The following EXOC4 variants were observed in gnomAD, a reference collection of about 807,000 sequenced individuals.
The protein encoded by EXOC4 is SEC8-like 1.
A neutral mutation model predicts 107.2 loss-of-function variants in EXOC4; 71 were observed. The ratio of observed to expected loss-of-function variants is 0.66; its 90% CI spans 0.55 to 0.81. The LOEUF (loss-of-function observed/expected upper bound fraction) is 0.81, where lower values mean the gene tolerates loss of function less well. Ranked by LOEUF, EXOC4 falls within the 30% of genes least tolerant of loss-of-function variation. The pLI is 0.00. For synonymous variants in EXOC4, 456 were observed against 441.2 expected (o/e 1.03, Z -0.42); for missense variants, 1,108 against 1,189.6 (o/e 0.93, Z 1.01).
the EXOC4 span, among the ~76,000 whole-genome samples, chr7:134,074,859 C>T: frequency 1.3e-5 from 2 of 152,174 alleles, no homozygotes; most frequent in Admixed American, 6.5e-5. Context: ...CTCAGTAAAA[C>T]GAATAATGAT....
rs538010190 is a variant in EXOC4 at position 133,982,891 on chromosome 7, G to T, written c.2207-14601G>T. Among the ~76,000 whole-genome samples the T allele has an allele frequency of 6.0e-4, 91 of 152,154 alleles. 1 individual carries two copies. Among genetic ancestry groups the T allele is most frequent in the Non-Finnish European group, 1.0e-3 (71 of 68,024 alleles). On this transcript the variant is annotated intron_variant, in intron 14 of 17. Coordinates refer to ENST00000253861, the MANE Select transcript of EXOC4 (RefSeq NM_021807.4). ...TTTCAGAAAACACATTATGTGTTAG[G>T]GATACAAAGATAAAAGTGAGGTTGT...
chr7:133,431,962 A>G (rs1797865639), intron 7 of EXOC4, among the ~76,000 whole-genome samples: 1 of 152,106 alleles, frequency 6.6e-6, no homozygotes, highest in East Asian at 1.9e-4. Flanking sequence ...AAGTACTGAG[A>G]TTTCCCCCTT....
At chr7:134,081,822 A>T in the EXOC4 span, among the ~76,000 whole-genome samples, 2,543 of 152,210 alleles carry the variant, frequency 0.017, 64 homozygotes, top group African/African-American at 0.058. Flanking sequence ...GAAGGAGGTG[A>T]TGATAAACTT....
At chr7:133,267,692 G>C (rs982315773) in intron 1 of EXOC4, among the ~76,000 whole-genome samples, 1 of 152,180 alleles carries the variant, frequency 6.6e-6, no homozygotes, top group Non-Finnish European at 1.5e-5. Context: ...GTAAGTAATA[G>C]ATACTTAGTG....
chr7:133,510,406 G>T (rs1371609454), intron 9 of EXOC4, among the ~76,000 whole-genome samples: 1 of 152,070 alleles, frequency 6.6e-6, no homozygotes, highest in African/African-American at 2.4e-5. Context: ...TTCAGCTATT[G>T]TGAATATGCT....
At chr7:133,284,469 A>G (rs188708572) in intron 2 of EXOC4, among the ~76,000 whole-genome samples, 232 of 152,316 alleles carry the variant, frequency 1.5e-3, no homozygotes, top group Non-Finnish European at 2.9e-3. Flanking sequence ...GGAGTCCTTA[A>G]CTCAGAGACT....
At chr7:133,336,690 ATTTATTTTAT>A (rs1177767668) in intron 5 of EXOC4, among the ~76,000 whole-genome samples, 3 of 138,012 alleles carry the variant, frequency 2.2e-5, no homozygotes, top group South Asian at 2.4e-4. Flanking sequence ...TTTTTATTTT[ATTTATTTTAT>A]TTTATTTTAT....
chr7:133,635,364 T>C (rs1802683764), intron 10 of EXOC4, among the ~76,000 whole-genome samples: 1 of 152,216 alleles, frequency 6.6e-6, no homozygotes. Context: ...TTTTTCTCTT[T>C]GTGTTTTCAT....
At chr7:134,025,630 G>T (rs1223416559) in intron 17 of EXOC4, among the ~76,000 whole-genome samples, 1 of 152,198 alleles carries the variant, frequency 6.6e-6, no homozygotes. Context: ...TGGAAGCCTG[G>T]ACTCAGCTGG....
In EXOC4 at chr7:133,257,931, C is replaced by G. The variant is rs1410624486; in HGVS notation, c.86+4744C>G. 2.6e-5 allele frequency among the ~76,000 whole-genome samples: 4 copies of G among 152,168 alleles called. No homozygotes were observed. In the East Asian group the frequency reaches 5.8e-4, roughly 22 times the overall value. On this transcript the variant is annotated intron_variant, in intron 1 of 17. Coordinates refer to ENST00000253861, the MANE Select transcript of EXOC4 (RefSeq NM_021807.4). ...GGCTTTGACCAGGGCTTTGAACGAACAGCTTTGAGGTTCGTGACACAGTTT... is the reference window on the plus strand; with the variant it reads ...GGCTTTGACCAGGGCTTTGAACGAAGAGCTTTGAGGTTCGTGACACAGTTT...
At chr7:133,810,564 G>A (rs2551006) in intron 10 of EXOC4, among the ~76,000 whole-genome samples, 149,912 of 151,926 alleles carry the variant, frequency 0.99, 74,005 homozygotes, top group Middle Eastern at 1. Context: ...ATTTATAAAT[G>A]TTAGAATTTA....
chr7:133,519,344 G>A (rs1484935559), intron 9 of EXOC4, among the ~76,000 whole-genome samples: 1 of 152,058 alleles, frequency 6.6e-6, no homozygotes, highest in East Asian at 1.9e-4. Context: ...AATCGCTTGA[G>A]CCCAGGAGGT....
intron 10 of EXOC4, among the ~76,000 whole-genome samples, chr7:133,697,547 G>A (rs558146570): frequency 2.6e-5 from 4 of 152,230 alleles, no homozygotes; most frequent in African/African-American, 9.6e-5. Context: ...CAATGTTAAA[G>A]AAAAAAATTA....
intron 8 of EXOC4, 23 bp downstream of exon 8, chr7:133,475,496 T>C: frequency 1.2e-6 from 2 of 1,607,992 alleles, no homozygotes; most frequent in Non-Finnish European, 1.7e-6. Context: ...CTGCTGTTAA[T>C]AGGTTTTAAG....
At chr7:133,908,613 A>C (rs186161012) in intron 12 of EXOC4, among the ~76,000 whole-genome samples, 21 of 152,344 alleles carry the variant, frequency 1.4e-4, no homozygotes, top group African/African-American at 4.8e-4. Context: ...TCGCCTATCA[A>C]ATGGAAGTAA....
At chr7:134,028,822 T>C (rs1459697851) in intron 17 of EXOC4, among the ~76,000 whole-genome samples, 2 of 152,244 alleles carry the variant, frequency 1.3e-5, no homozygotes, top group African/African-American at 4.8e-5. Context: ...AGCAGAGATT[T>C]AGTGTTGGGG....
rs78691185 is a variant in EXOC4, at chr7:133,759,142, G to T, written c.1515-58183G>T. On this transcript the variant is annotated intron_variant, in intron 10 of 17. Coordinates refer to ENST00000253861, the MANE Select transcript of EXOC4 (RefSeq NM_021807.4). ...AAAACAAACAAACAAACCAACAAAA[G>T]AATTTTTTTTTTTTTTTTTTGTTAG... 4.8e-4 allele frequency among the ~76,000 whole-genome samples: 64 copies of T among 133,460 alleles called. 1 individual carries two copies. In the East Asian group the frequency reaches 0.011, roughly 23 times the overall value. The allele number at this position is 133,460 out of a possible 152,430, so 87.6% of individuals were successfully genotyped here.
chr7:133,424,290 T>C (rs1797673463), intron 7 of EXOC4, among the ~76,000 whole-genome samples: 1 of 151,998 alleles, frequency 6.6e-6, no homozygotes, highest in Non-Finnish European at 1.5e-5. Flanking sequence ...CACTGTGAAG[T>C]TGTGCACCTT....
At chr7:133,992,009 A>C (rs1794272863) in intron 14 of EXOC4, among the ~76,000 whole-genome samples, 1 of 152,070 alleles carries the variant, frequency 6.6e-6, no homozygotes, top group East Asian at 1.9e-4. Context: ...TGGTATTTTG[A>C]TAGGGATTGC....
Sources: gnomAD v4.1 joint callset for allele counts (sites outside exome capture counted in the v4.1 genomes callset) on GRCh38, gnomAD v4.1.1 for gene constraint, MANE v1.5 for transcripts, NCBI Gene and HGNC (gene_info 2026-07-23, HGNC 2026-07-21) for gene names.